The following PAMR1 variants were observed in gnomAD, a reference collection of about 807,000 sequenced individuals.
PAMR1 encodes the protein peptidase domain containing associated with muscle regeneration 1.
PAMR1 carries 88 observed loss-of-function variants against 81.8 expected under a neutral mutation model. The observed-to-expected ratio is 1.08, with a 90% CI of 0.91 to 1.28. The LOEUF (loss-of-function observed/expected upper bound fraction) is 1.28. Among genes scored for constraint, PAMR1 ranks in the 50% most tolerant of loss-of-function variants. The pLI is 0.00. For synonymous variants in PAMR1, 336 were observed against 345.3 expected (o/e 0.97, Z 0.30); for missense variants, 935 against 919.7 (o/e 1.02, Z -0.21).
rs375614645 is a variant in PAMR1 at position 35,437,506 on chromosome 11, C to G, written c.1101-1371G>C. Among the ~76,000 whole-genome samples, 4 of 152,348 alleles carry G rather than the reference C, an allele frequency of 2.6e-5. No individual in the cohort carries two copies. The East Asian group carries it at 5.8e-4, about 22-fold the overall frequency. ...CTCATGTTTATAATGAGGTCTGTAG[C>G]TCAGGGAGCTCCTGAACTTGCAAAC... On this transcript the variant is annotated intron_variant, in intron 8 of 10. Coordinates refer to ENST00000619888, the MANE Select transcript of PAMR1 (RefSeq NM_001001991.3).
intron 3 of PAMR1, among the ~76,000 whole-genome samples, chr11:35,490,737 C>T (rs986736080): frequency 6.6e-6 from 1 of 152,174 alleles, no homozygotes; most frequent in Non-Finnish European, 1.5e-5. Flanking sequence ...ATTAATTGAG[C>T]TTTTACTATT....
At chr11:35,515,225 G>A (rs1851140595) in intron 1 of PAMR1, among the ~76,000 whole-genome samples, 2 of 152,088 alleles carry the variant, frequency 1.3e-5, no homozygotes, top group Admixed American at 1.3e-4. Context: ...ACTACATCAG[G>A]GGTCTTGATC....
chr11:35,439,139 G>A (rs1856110032), intron 8 of PAMR1, among the ~76,000 whole-genome samples: 1 of 152,180 alleles, frequency 6.6e-6, no homozygotes, highest in Admixed American at 6.5e-5. Context: ...GGAAGGTTGA[G>A]CATACCAGAG....
At chr11:35,447,179 G>T (rs1250942805) in intron 6 of PAMR1, among the ~76,000 whole-genome samples, 1 of 147,468 alleles carries the variant, frequency 6.8e-6, no homozygotes, top group Non-Finnish European at 1.5e-5. Context: ...TTTCCTATTT[G>T]CTTGGTAATT....
At chr11:35,473,244 T>A (rs2135381154) in intron 4 of PAMR1, among the ~76,000 whole-genome samples, 1 of 152,304 alleles carries the variant, frequency 6.6e-6, no homozygotes, top group South Asian at 2.1e-4. Flanking sequence ...CCTGGCCAGG[T>A]GCTCCAGACT....
At chr11:35,519,023 A>C (rs1222304473) in intron 1 of PAMR1, among the ~76,000 whole-genome samples, 7 of 152,212 alleles carry the variant, frequency 4.6e-5, no homozygotes, top group Non-Finnish European at 1.0e-4. Flanking sequence ...ACCCTCTGAG[A>C]CAGCCAGAAC....
rs747395023 is a variant in PAMR1, at chr11:35,439,640, G to A, written c.1087C>T (p.Gln363Ter). 2 of 1,613,760 alleles carry A rather than the reference G, an allele frequency of 1.2e-6. No individual in the cohort carries two copies. The highest frequency in any genetic ancestry group is 1.7e-6 in the Non-Finnish European group (2 of 1,179,646). The change falls in exon 8 of 11, where the codon CAG (glutamine) becomes TAG (stop). Residue 363 changes from glutamine (Q) to a stop codon, truncating the protein, a stop_gained. Transcript: ENST00000619888. LOFTEE classifies it high-confidence loss of function. The stretch of plus-strand genomic sequence containing the variant: ...TTTTGACCTCACCTTGACTGAACCT[G>A]CATCGGAAGAACTCTCCTTCTCACC... ...DLVRRRVLPM[Q>*]VQSRETPLHQ... is the part of the protein sequence containing the mutation.
At chr11:35,440,819 T>C (rs181363900) in intron 7 of PAMR1, among the ~76,000 whole-genome samples, 143 of 152,344 alleles carry the variant, frequency 9.4e-4, no homozygotes, top group Non-Finnish European at 7.5e-4. Context: ...CTCTTTTCTT[T>C]TCTGCTGTCT....
intron 3 of PAMR1, among the ~76,000 whole-genome samples, chr11:35,488,249 T>C (rs1327864099): frequency 6.8e-6 from 1 of 146,206 alleles, no homozygotes; most frequent in Non-Finnish European, 1.5e-5. Context: ...GAGGTCTTGC[T>C]CTGTTGTTTA....
chr11:35,505,061 A>G (rs952579656), intron 1 of PAMR1, among the ~76,000 whole-genome samples: 5 of 151,742 alleles, frequency 3.3e-5, no homozygotes, highest in African/African-American at 4.8e-5. Flanking sequence ...TTCCATTTTG[A>G]TTTGTTTGAA....
At chr11:35,466,502 T>C (rs1382505700) in intron 6 of PAMR1, among the ~76,000 whole-genome samples, 1 of 151,462 alleles carries the variant, frequency 6.6e-6, no homozygotes, top group Non-Finnish European at 1.5e-5. Context: ...CCGAGGCGGG[T>C]GGATCACGAG....
rs993497870 is a variant in PAMR1, at chr11:35,441,810, A to C, written c.821-117T>G. ...ACAATGATATAGGATCTGGTGCTCA[A>C]AAGAATTACTAAAATAAATCTCATA... On this transcript the variant is annotated intron_variant, in intron 6 of 10. Coordinates refer to ENST00000619888, the MANE Select transcript of PAMR1 (RefSeq NM_001001991.3). 4 of 611,408 alleles carry C rather than the reference A, an allele frequency of 6.5e-6. No individual in the cohort carries two copies. In the African/African-American group the frequency reaches 7.5e-5, roughly 11 times the overall value. The allele number at this position is 611,408 out of a possible 1,614,324, so 37.9% of individuals were successfully genotyped here. A position where few individuals can be genotyped will look rare whatever the true frequency, so the allele number is the denominator to read the frequency against.
intron 1 of PAMR1, among the ~76,000 whole-genome samples, chr11:35,498,544 A>C (rs1850769374): frequency 2.0e-5 from 3 of 152,248 alleles, no homozygotes; most frequent in African/African-American, 7.2e-5. Flanking sequence ...GAGAATGCTC[A>C]TATTTCTCAA....
chr11:35,482,774 G>T (rs1183543795), intron 3 of PAMR1, among the ~76,000 whole-genome samples: 1 of 152,068 alleles, frequency 6.6e-6, no homozygotes, highest in Admixed American at 6.6e-5. Flanking sequence ...TGTATTCCTA[G>T]GTGTTTTGTT....
chr11:35,525,182 A>G (rs1851362469), intron 1 of PAMR1, among the ~76,000 whole-genome samples: 1 of 152,174 alleles, frequency 6.6e-6, no homozygotes, highest in Non-Finnish European at 1.5e-5. Flanking sequence ...GGTAACTCAG[A>G]ATTGATTCCC....
intron 3 of PAMR1, among the ~76,000 whole-genome samples, chr11:35,488,997 A>G (rs1477365184): frequency 6.6e-6 from 1 of 152,094 alleles, no homozygotes; most frequent in Non-Finnish European, 1.5e-5. Context: ...CCCAGCTTCC[A>G]GAACCCTACT....
At chr11:35,441,747 T>C in intron 6 of PAMR1, 54 bp from the exon 7 acceptor site, 3 of 1,219,328 alleles carry the variant, frequency 2.5e-6, no homozygotes, top group Non-Finnish European at 3.5e-6. Context: ...TTATTCCATT[T>C]TAGAATAGAA....
chr11:35,504,762 CT>C (rs35745461), intron 1 of PAMR1, among the ~76,000 whole-genome samples: 47,331 of 151,284 alleles, frequency 0.31, 7,490 homozygotes, highest in African/African-American at 0.37. Flanking sequence ...TGGGATTCCT[CT>C]TTTTTTTAAT....
rs375656985 is a variant in PAMR1, at chr11:35,496,477, G to A, written c.74-2205C>T. On this transcript the variant is annotated intron_variant, in intron 1 of 10. Coordinates refer to ENST00000619888, the MANE Select transcript of PAMR1 (RefSeq NM_001001991.3). Reference sequence around the variant, plus strand: ...TGACTTGAATAGACATTTCTCCAAAGAAGCTATATAAACGGCCAACAAGCA... The same window carrying A: ...TGACTTGAATAGACATTTCTCCAAAAAAGCTATATAAACGGCCAACAAGCA... Among the ~76,000 whole-genome samples, 13 of 152,260 alleles carry A rather than the reference G, an allele frequency of 8.5e-5. No homozygotes were observed. In the South Asian group the frequency reaches 2.7e-3, roughly 32 times the overall value.
Sources: allele counts gnomAD v4.1 joint callset (sites outside exome capture counted in the v4.1 genomes callset), GRCh38; gene constraint gnomAD v4.1.1; transcripts MANE v1.5; gene names NCBI Gene and HGNC (gene_info 2026-07-23, HGNC 2026-07-21).